MUC7: variants seen among roughly 807,000 people sequenced by gnomAD.
The protein encoded by MUC7 is mucin-7.
MUC7 carries 2 observed loss-of-function variants against 2.5 expected under a neutral mutation model. The observed-to-expected ratio is 0.81, with a 90% CI of 0.33 to 2.55. MUC7 has a LOEUF of 2.55. Ranked by LOEUF, MUC7 falls within the 30% of genes most tolerant of loss-of-function variation. The pLI is 0.11. For missense variants in MUC7, 408 were observed against 455.6 expected (o/e 0.90, Z 0.95); for synonymous variants, 133 against 173.4 (o/e 0.77, Z 1.83).
intron 2 of MUC7, among the ~76,000 whole-genome samples, chr4:70,480,297 G>T (rs956772607): frequency 6.6e-6 from 1 of 152,208 alleles, no homozygotes; most frequent in South Asian, 2.1e-4. Flanking sequence ...TGAAGCCGGG[G>T]TGGGATATTT....
At position 70,478,688 on chromosome 4, in the gene MUC7, G is replaced by A. The variant is rs575627603; in HGVS notation, c.55-2111G>A. ...TGGAAAGGGAAAGACCGAGATCATG[G>A]AATGTGAGGCCCTCAATCCTGCTTC... On this transcript the variant is annotated intron_variant, in intron 2 of 2. Coordinates refer to ENST00000304887, the MANE Select transcript of MUC7 (RefSeq NM_152291.3). Among the ~76,000 whole-genome samples the A allele has an allele frequency of 2.0e-5, 3 of 152,270 alleles. No individual in the cohort carries two copies. The South Asian group carries it at 6.2e-4, about 32-fold the overall frequency.
intron 1 of MUC7, among the ~76,000 whole-genome samples, chr4:70,453,957 A>G (rs941975859): frequency 2.6e-5 from 4 of 152,046 alleles, no homozygotes; most frequent in African/African-American, 9.7e-5. Flanking sequence ...AGATCCTAGA[A>G]TGGGGGCCTC....
chr4:70,463,392 A>G (rs1734605420), intron 1 of MUC7, among the ~76,000 whole-genome samples: 1 of 152,244 alleles, frequency 6.6e-6, no homozygotes, highest in Non-Finnish European at 1.5e-5. Context: ...TTCTTTTTAA[A>G]TCTACTTTTC....
upstream of MUC7, among the ~76,000 whole-genome samples, chr4:70,467,820 C>T (rs1734719105): frequency 6.6e-6 from 1 of 152,170 alleles, no homozygotes; most frequent in Non-Finnish European, 1.5e-5. Context: ...CAGCCAAATT[C>T]TACCAGAGGT....
chr4:70,459,788 T>C (rs1231440044), intron 1 of MUC7, among the ~76,000 whole-genome samples: 1 of 152,170 alleles, frequency 6.6e-6, no homozygotes, highest in African/African-American at 2.4e-5. Flanking sequence ...TTTGTTCATC[T>C]CTAATCTCCA....
At chr4:70,459,908 T>C (rs981502851) in intron 1 of MUC7, among the ~76,000 whole-genome samples, 2 of 152,196 alleles carry the variant, frequency 1.3e-5, no homozygotes, top group African/African-American at 4.8e-5. Flanking sequence ...TTTTCTTTAT[T>C]TGCATTTTAG....
At chr4:70,467,454 A>T (rs1734710138), upstream of MUC7, among the ~76,000 whole-genome samples, 1 of 152,190 alleles carries the variant, frequency 6.6e-6, no homozygotes, top group South Asian at 2.1e-4. Flanking sequence ...ACCCTTCAAA[A>T]ATCAATAAAT....
intron 1 of MUC7, among the ~76,000 whole-genome samples, chr4:70,462,544 A>C (rs1224371926): frequency 6.6e-6 from 1 of 152,368 alleles, no homozygotes; most frequent in South Asian, 2.1e-4. Flanking sequence ...AGATACATTT[A>C]AGATATTAGA....
intron 1 of MUC7, among the ~76,000 whole-genome samples, chr4:70,461,248 G>T (rs1734549599): frequency 6.6e-6 from 1 of 152,172 alleles, no homozygotes; most frequent in South Asian, 2.1e-4. Flanking sequence ...GAATGCAAAT[G>T]TCCAGTGTCT....
At chr4:70,443,303 A>G (rs2109707398) in intron 1 of MUC7, among the ~76,000 whole-genome samples, 1 of 140,450 alleles carries the variant, frequency 7.1e-6, no homozygotes, top group South Asian at 2.3e-4. Context: ...AGAACAACCT[A>G]ACACAAAAAG....
Position 70,481,171 on chromosome 4 carries a change from G to T in MUC7, c.427G>T (p.Glu143Ter). 1.2e-6 allele frequency: 2 copies of T among 1,614,158 alleles called. No homozygotes were observed. Among genetic ancestry groups the T allele is most frequent in the Non-Finnish European group, 1.7e-6 (2 of 1,180,032 alleles). ...PQNATTISSR[E>*]NVNTSSSVAT... ...GAATGCCACCACCATATCTTCAAGA[G>T]AAAATGTTAACACAAGCTCTTCTGT... The change falls in exon 3 of 3, where the codon GAA (glutamate) becomes TAA (stop). Residue 143 changes from glutamate to a stop codon, truncating the protein, a stop_gained. Coordinates refer to ENST00000304887, the MANE Select transcript of MUC7 (RefSeq NM_152291.3). LOFTEE classifies it low-confidence loss of function (END_TRUNC).
At chr4:70,432,982 AG>A in intron 1 of MUC7, among the ~76,000 whole-genome samples, 1 of 152,210 alleles carries the variant, frequency 6.6e-6, no homozygotes. Flanking sequence ...CTTATTACAT[AG>A]GGAATCCTTT....
chr4:70,433,223 G>A (rs947282877), intron 1 of MUC7, among the ~76,000 whole-genome samples: 7 of 152,024 alleles, frequency 4.6e-5, no homozygotes, highest in African/African-American at 1.7e-4. Flanking sequence ...CTCTTTTTTG[G>A]TTCCATATGA....
At chr4:70,462,980 T>C (rs1734595438) in intron 1 of MUC7, among the ~76,000 whole-genome samples, 1 of 151,562 alleles carries the variant, frequency 6.6e-6, no homozygotes, top group Admixed American at 6.6e-5. Flanking sequence ...AATGAATGAA[T>C]GAATGAATGA....
chr4:70,440,493 A>G (rs1219776568), intron 1 of MUC7, among the ~76,000 whole-genome samples: 2 of 152,214 alleles, frequency 1.3e-5, no homozygotes, highest in Non-Finnish European at 2.9e-5. Context: ...ATAAATAAGA[A>G]AACAAAAACA....
intron 1 of MUC7, among the ~76,000 whole-genome samples, chr4:70,467,002 A>G (rs1456018433): frequency 2.0e-5 from 3 of 152,156 alleles, no homozygotes; most frequent in Admixed American, 2.0e-4. Flanking sequence ...TGACCACATA[A>G]TTGGAAGTAA....
chr4:70,439,485 G>A (rs1016010149), intron 1 of MUC7, among the ~76,000 whole-genome samples: 7 of 152,144 alleles, frequency 4.6e-5, no homozygotes, highest in African/African-American at 7.2e-5. Flanking sequence ...AATGAAAGTC[G>A]AGAGGTTAGG....
chr4:70,434,606 C>A (rs1013992129), intron 1 of MUC7, among the ~76,000 whole-genome samples: 1 of 152,038 alleles, frequency 6.6e-6, no homozygotes, highest in African/African-American at 2.4e-5. Context: ...TGATTCTTCT[C>A]TCTTTTCTTA....
chr4:70,482,043 T>C lies in MUC7; in HGVS notation c.*165T>C. ...AATTATTCACCACCACAAGACCTATTAACAAGACAAAATGCCTCTATCCCA... is the reference window on the plus strand; with the variant it reads ...AATTATTCACCACCACAAGACCTATCAACAAGACAAAATGCCTCTATCCCA... On this transcript the variant is annotated 3_prime_UTR_variant, in exon 3 of 3. Coordinates refer to ENST00000304887, the MANE Select transcript of MUC7 (RefSeq NM_152291.3). 1 of 892,534 alleles carries C rather than the reference T, an allele frequency of 1.1e-6. No homozygotes were observed. Among genetic ancestry groups the C allele is most frequent in the South Asian group, 1.9e-5 (1 of 53,922 alleles). 55.3% of individuals were successfully genotyped at this position (892,534 alleles called of 1,614,324 possible). A position where few individuals can be genotyped will look rare whatever the true frequency, so the allele number is the denominator to read the frequency against.
Sources: gnomAD v4.1 joint callset for allele counts (sites outside exome capture counted in the v4.1 genomes callset) on GRCh38, gnomAD v4.1.1 for gene constraint, MANE v1.5 for transcripts, NCBI Gene and HGNC (gene_info 2026-07-23, HGNC 2026-07-21) for gene names.